SDK1: variants seen among roughly 807,000 people sequenced by gnomAD.
SDK1 encodes the protein sidekick cell adhesion molecule 1.
SDK1 carries 157 observed loss-of-function variants against 245.5 expected under a neutral mutation model. The ratio of observed to expected loss-of-function variants is 0.64; its 90% CI spans 0.56 to 0.73. The LOEUF is 0.73. SDK1 is among the 30% of genes least tolerant of loss of function. The probability of loss-of-function intolerance (pLI) is 0.00; values close to 1 mark genes in which losing one functional copy is unlikely to be tolerated. For missense variants in SDK1, 3,583 were observed against 3,002.3 expected, an observed-to-expected ratio of 1.19 and a Z score of -4.52; for synonymous variants, 1,647 against 1,278.5, an observed-to-expected ratio of 1.29 and a Z score of -6.15.
chr7:3,459,373 T>C (rs1263210859), intron 1 of SDK1, among the ~76,000 whole-genome samples: 1 of 152,196 alleles, frequency 6.6e-6, no homozygotes, highest in Non-Finnish European at 1.5e-5. Context: ...CGTTTGCTGT[T>C]TATGTATTAG....
At chr7:3,332,844 A>T (rs1341679062) in intron 1 of SDK1, among the ~76,000 whole-genome samples, 2 of 152,216 alleles carry the variant, frequency 1.3e-5, no homozygotes, top group Admixed American at 6.5e-5. Flanking sequence ...GATTCTCATT[A>T]TGTTAAATTT....
intron 1 of SDK1, among the ~76,000 whole-genome samples, chr7:3,432,253 G>C (rs908911872): frequency 6.6e-6 from 1 of 151,356 alleles, no homozygotes; most frequent in African/African-American, 2.4e-5. Flanking sequence ...GCTGTATTTT[G>C]GCTATCGTGA....
At chr7:3,446,714 G>C (rs1780353174) in intron 1 of SDK1, among the ~76,000 whole-genome samples, 1 of 152,078 alleles carries the variant, frequency 6.6e-6, no homozygotes, top group Non-Finnish European at 1.5e-5. Context: ...TATTCTATTT[G>C]AATTCAATCC....
At chr7:3,376,244 A>C (rs1781352329) in intron 1 of SDK1, among the ~76,000 whole-genome samples, 1 of 152,142 alleles carries the variant, frequency 6.6e-6, no homozygotes, top group Admixed American at 6.5e-5. Flanking sequence ...TAAATGTAAA[A>C]ATGGAACCGT....
At chr7:3,894,460 G>C (rs1486231794) in intron 5 of SDK1, among the ~76,000 whole-genome samples, 1 of 151,850 alleles carries the variant, frequency 6.6e-6, no homozygotes, top group African/African-American at 2.4e-5. Flanking sequence ...TGGGGGAGTG[G>C]GCTTTCCTTC....
chr7:4,201,165 C>G (rs1783859328), intron 35 of SDK1, among the ~76,000 whole-genome samples: 2 of 152,182 alleles, frequency 1.3e-5, no homozygotes, highest in South Asian at 4.1e-4. Context: ...TGCACTTCTG[C>G]CTTGAGTCAT....
At chr7:3,953,564 T>C (rs1003704451) in intron 7 of SDK1, among the ~76,000 whole-genome samples, 2 of 152,202 alleles carry the variant, frequency 1.3e-5, no homozygotes, top group African/African-American at 4.8e-5. Flanking sequence ...AAAATTAAAA[T>C]TTGCGACGTG....
In SDK1 at chr7:4,032,845, G is replaced by T. The variant is rs554709155; in HGVS notation, c.2602+15493G>T. Among the ~76,000 whole-genome samples the T allele has an allele frequency of 5.9e-5, 9 of 152,330 alleles. No homozygotes were observed. The East Asian group carries it at 1.4e-3, about 23-fold the overall frequency. ...TAGAGAAGGTGTAAACAAACGGACC[G>T]TGTTTTTGAACAGGAAGACTCAACA... On this transcript the variant is annotated intron_variant, in intron 17 of 44. Coordinates refer to ENST00000404826, the MANE Select transcript of SDK1 (RefSeq NM_152744.4).
chr7:4,079,245 C>G (rs923975099), intron 21 of SDK1, among the ~76,000 whole-genome samples: 1 of 152,222 alleles, frequency 6.6e-6, no homozygotes, highest in Admixed American at 6.5e-5. Context: ...ACGTGTCTCC[C>G]AAAGCCCACT....
At chr7:3,478,848 C>T (rs1439892628) in intron 1 of SDK1, among the ~76,000 whole-genome samples, 5 of 151,638 alleles carry the variant, frequency 3.3e-5, no homozygotes, top group African/African-American at 9.7e-5. Context: ...ACGTTTTTTT[C>T]TAATCACTTG....
chr7:4,170,011 C>T (rs187018502), intron 32 of SDK1, among the ~76,000 whole-genome samples: 3 of 152,316 alleles, frequency 2.0e-5, no homozygotes, highest in East Asian at 1.9e-4. Context: ...AGATGGCCTG[C>T]GGAGAATTGC....
intron 5 of SDK1, among the ~76,000 whole-genome samples, chr7:3,828,145 G>A (rs572788786): frequency 6.6e-6 from 1 of 152,142 alleles, no homozygotes; most frequent in Admixed American, 6.5e-5. Flanking sequence ...GGGTGTGCTG[G>A]TGGGCTCCTG....
chr7:3,565,748 T>A (rs190197051), intron 1 of SDK1, among the ~76,000 whole-genome samples: 1 of 152,258 alleles, frequency 6.6e-6, no homozygotes, highest in African/African-American at 2.4e-5. Context: ...AGGTAACTTA[T>A]ACAACTTGAT....
At chr7:4,245,038 C>T (rs1209154613) in intron 43 of SDK1, among the ~76,000 whole-genome samples, 3 of 152,194 alleles carry the variant, frequency 2.0e-5, no homozygotes, top group Non-Finnish European at 2.9e-5. Flanking sequence ...TCACCCATTC[C>T]ATTTAATGTA....
Position 3,951,747 on chromosome 7 carries a change from G to A in SDK1, c.977G>A (p.Ser326Asn). The A allele has an allele frequency of 5.6e-6, 9 of 1,613,572 alleles. No individual in the cohort carries two copies. The highest frequency in any genetic ancestry group is 7.6e-6 in the Non-Finnish European group (9 of 1,180,022). The change falls in exon 7 of 45, where the codon AGT becomes AAT. Residue 326 changes from serine (S) to asparagine (N), a missense_variant. Transcript: ENST00000404826. The part of the protein sequence containing the change: ...IASARPVEDL[S>N]VTWKRNGVRI... ...TCCCACAGGCCTGTGGAGGACCTGA[G>A]TGTGACCTGGAAGAGGAATGGAGTG... is the stretch of plus-strand genomic sequence containing the variant.
intron 1 of SDK1, among the ~76,000 whole-genome samples, chr7:3,383,159 C>G (rs571872730): frequency 1.9e-4 from 29 of 152,216 alleles, no homozygotes; most frequent in Admixed American, 1.6e-3. Flanking sequence ...GGCCTATAAT[C>G]CTGGCAATTT....
chr7:3,949,179 T>G (rs2128124492), intron 5 of SDK1, among the ~76,000 whole-genome samples: 1 of 152,280 alleles, frequency 6.6e-6, no homozygotes, highest in Non-Finnish European at 1.5e-5. Flanking sequence ...TTGGAGAGTC[T>G]AGAGATGGGG....
chr7:3,466,427 G>A (rs997840369), intron 1 of SDK1, among the ~76,000 whole-genome samples: 1 of 148,370 alleles, frequency 6.7e-6, no homozygotes, highest in Non-Finnish European at 1.5e-5. Context: ...CTAACAAGGT[G>A]AACATTACTC....
At chr7:3,877,952 G>A (rs151010133) in intron 5 of SDK1, among the ~76,000 whole-genome samples, 1 of 152,328 alleles carries the variant, frequency 6.6e-6, no homozygotes, top group South Asian at 2.1e-4. Context: ...TGTTTCCTTA[G>A]AGTACATTCG....
Sources: gnomAD v4.1 joint callset for allele counts (sites outside exome capture counted in the v4.1 genomes callset) on GRCh38, gnomAD v4.1.1 for gene constraint, MANE v1.5 for transcripts, NCBI Gene and HGNC (gene_info 2026-07-23, HGNC 2026-07-21) for gene names.